Variants in ARHGAP10 observed in about 807,000 individuals in gnomAD.
ARHGAP10 encodes the protein Rho GTPase activating protein 10, also known as rho GTPase-activating protein 10.
ARHGAP10 carries 87 observed loss-of-function variants against 108.6 expected under a neutral mutation model. The observed-to-expected ratio is 0.80, with a 90% CI of 0.67 to 0.96. The LOEUF is 0.96. Ranked by LOEUF, ARHGAP10 falls within the 40% of genes least tolerant of loss-of-function variation. The pLI, the probability that ARHGAP10 is intolerant of heterozygous loss-of-function variation, is 0.00. For synonymous variants in ARHGAP10, 347 were observed against 341.1 expected (o/e 1.02, Z -0.19); for missense variants, 939 against 954.5 (o/e 0.98, Z 0.21).
Position 148,072,548 on chromosome 4 carries a change from C to G in ARHGAP10, c.*467C>G, listed in dbSNP as rs776073488. 6.5e-6 allele frequency: 1 copy of G among 154,120 alleles called. No homozygotes were observed. Among genetic ancestry groups the G allele is most frequent in the Non-Finnish European group, 1.4e-5 (1 of 69,494 alleles). 9.5% of individuals were successfully genotyped at this position (154,120 alleles called of 1,614,324 possible). A position where few individuals can be genotyped will look rare whatever the true frequency, so the allele number is the denominator to read the frequency against. ...GCTGTGGCAGCCTAGCTTGGAGAAG[C>G]TGCTGTTGGTGCAAGGGAGATGGTC... On this transcript the variant is annotated 3_prime_UTR_variant, in exon 23 of 23. Transcript: ENST00000336498.
chr4:147,836,669 G>T (rs1403982692), intron 3 of ARHGAP10, among the ~76,000 whole-genome samples: 1 of 152,112 alleles, frequency 6.6e-6, no homozygotes, highest in African/African-American at 2.4e-5. Flanking sequence ...TACCAAGTAA[G>T]CTAGTACTTA....
rs570991639 is a variant in ARHGAP10 at position 147,834,549 on chromosome 4, A to G, written c.312+11592A>G. Among the ~76,000 whole-genome samples, 163 of 152,266 alleles carry G rather than the reference A, an allele frequency of 1.1e-3. 1 individual carries two copies. Among genetic ancestry groups the G allele is most frequent in the Non-Finnish European group, 1.9e-3 (128 of 68,018 alleles). ...TCATCTTTTAAGGCCCCACCTCTCA[A>G]TAATGCCAGACTGGGGATTAAGTTT... On this transcript the variant is annotated intron_variant, in intron 3 of 22. Transcript: ENST00000336498.
At chr4:147,821,142 G>T (rs1338869374) in intron 1 of ARHGAP10, among the ~76,000 whole-genome samples, 1 of 152,162 alleles carries the variant, frequency 6.6e-6, no homozygotes, top group East Asian at 1.9e-4. Flanking sequence ...GAGCCGGCGA[G>T]CCTGGGCTTG....
rs141942059 is a variant in ARHGAP10, at chr4:147,768,197, T to C, written c.154+35742T>C. On this transcript the variant is annotated intron_variant, in intron 1 of 22. Transcript: ENST00000336498. ...GAAAGTAGCTTTCTCAGTGCAATTA[T>C]ACTGTGAGTGGCATCTTCTTCCTCT... Among the ~76,000 whole-genome samples the C allele has an allele frequency of 2.6e-3, 395 of 152,356 alleles. 1 individual carries two copies. The highest frequency in any genetic ancestry group is 9.1e-3 in the African/African-American group (379 of 41,574).
intron 1 of ARHGAP10, among the ~76,000 whole-genome samples, chr4:147,798,767 CTCTCTCTCTCTCTCTATATA>C (rs1414713222): frequency 1.4e-3 from 9 of 6,650 alleles, no homozygotes; most frequent in Admixed American, 6.0e-3. Flanking sequence ...CTCTCTCTCT[CTCTCTCTCTCTCTCTATATA>C]TATATATATA....
At chr4:147,906,600 G>A (rs777579069) in intron 10 of ARHGAP10, 38 bp from the exon 11 acceptor site, 3 of 1,606,964 alleles carry the variant, frequency 1.9e-6, no homozygotes, top group South Asian at 2.2e-5. Context: ...CCTTTTAGTG[G>A]CCAAGGGGTA....
chr4:147,860,209 G>A (rs1162944889), intron 5 of ARHGAP10, among the ~76,000 whole-genome samples: 1 of 152,224 alleles, frequency 6.6e-6, no homozygotes, highest in Non-Finnish European at 1.5e-5. Context: ...GTGGGAGGCC[G>A]AGGCGGGTGG....
chr4:148,066,036 G>A (rs12650033), intron 22 of ARHGAP10, among the ~76,000 whole-genome samples: 103,638 of 148,346 alleles, frequency 0.7, 36,867 homozygotes, highest in East Asian at 0.84. Flanking sequence ...AAGTGTGGAA[G>A]TAGGGAGCTC....
intron 1 of ARHGAP10, among the ~76,000 whole-genome samples, chr4:147,749,500 A>G (rs572723956): frequency 1.3e-5 from 2 of 152,326 alleles, no homozygotes; most frequent in African/African-American, 4.8e-5. Flanking sequence ...ATAATTTTAC[A>G]TTCTTTTTAC....
intron 1 of ARHGAP10, among the ~76,000 whole-genome samples, chr4:147,746,693 T>A (rs888891477): frequency 6.6e-6 from 1 of 152,132 alleles, no homozygotes; most frequent in Non-Finnish European, 1.5e-5. Flanking sequence ...CCTGGCAGCG[T>A]GCTTCTTAAT....
At chr4:147,847,102 T>C (rs1394365355) in intron 3 of ARHGAP10, 49 bp from the exon 4 acceptor site, 2 of 1,510,770 alleles carry the variant, frequency 1.3e-6, no homozygotes, top group Middle Eastern at 1.7e-4. Flanking sequence ...ATTTTTTCCT[T>C]TTTGGAAACC....
At chr4:147,894,879 T>G (rs1735924327) in intron 10 of ARHGAP10, among the ~76,000 whole-genome samples, 1 of 152,212 alleles carries the variant, frequency 6.6e-6, no homozygotes, top group Admixed American at 6.5e-5. Context: ...GTTGCATCTC[T>G]TTGTCTGTTC....
At chr4:147,784,595 ATATT>A (rs1422224344) in intron 1 of ARHGAP10, among the ~76,000 whole-genome samples, 2 of 112,384 alleles carry the variant, frequency 1.8e-5, no homozygotes, top group African/African-American at 3.7e-5. Context: ...TTATAAATAT[ATATT>A]ATATATTTAA....
intron 12 of ARHGAP10, 41 bp downstream of exon 12, chr4:147,909,818 CATCT>C (rs1560821630): frequency 6.4e-7 from 1 of 1,565,836 alleles, no homozygotes; most frequent in South Asian, 1.1e-5. Flanking sequence ...CCTCCTTTTC[CATCT>C]ATTACTTTGT....
At chr4:147,867,754 C>T (rs905696232) in intron 7 of ARHGAP10, among the ~76,000 whole-genome samples, 10 of 151,572 alleles carry the variant, frequency 6.6e-5, no homozygotes, top group Non-Finnish European at 1.5e-4. Flanking sequence ...ATCCCAGTTA[C>T]TCGGGAGGCT....
At chr4:147,740,598 T>C (rs1728617206) in intron 1 of ARHGAP10, among the ~76,000 whole-genome samples, 1 of 152,340 alleles carries the variant, frequency 6.6e-6, no homozygotes, top group East Asian at 1.9e-4. Context: ...CTAATTTGTA[T>C]TATGAGTACA....
chr4:148,040,194 TG>T (rs1728570674), intron 19 of ARHGAP10, among the ~76,000 whole-genome samples: 1 of 152,174 alleles, frequency 6.6e-6, no homozygotes, highest in Admixed American at 6.5e-5. Context: ...CCCAGGCAAG[TG>T]GGGAACTTGG....
rs192569292 is a variant in ARHGAP10 at position 147,825,279 on chromosome 4, G to A, written c.312+2322G>A. ...AGCCAGGCCAACCTGGTGAAACCCC[G>A]TCTCTACTAAAAATACAAAAATTAG... On this transcript the variant is annotated intron_variant, in intron 3 of 22. Transcript: ENST00000336498. Among the ~76,000 whole-genome samples, 134 of 152,138 alleles carry A rather than the reference G, an allele frequency of 8.8e-4. 1 individual carries two copies. The highest frequency in any genetic ancestry group is 2.9e-3 in the African/African-American group (122 of 41,498).
At chr4:147,745,525 TG>T (rs1312079102) in intron 1 of ARHGAP10, 1 of 155,358 alleles carries the variant, frequency 6.4e-6, no homozygotes, top group African/African-American at 2.4e-5. Context: ...GGAGTCTCGC[TG>T]TGTCACCCAG....
Sources: gnomAD v4.1 joint callset for allele counts (sites outside exome capture counted in the v4.1 genomes callset) on GRCh38, gnomAD v4.1.1 for gene constraint, MANE v1.5 for transcripts, NCBI Gene and HGNC (gene_info 2026-07-23, HGNC 2026-07-21) for gene names.